Variants in NYAP2 observed in about 807,000 individuals in gnomAD.
NYAP2 encodes the protein neuronal tyrosine-phosphorylated phosphoinositide-3-kinase adaptor 2, also known as neuronal tyrosine-phosphorylated phosphoinositide-3-kinase adapter 2.
Under a neutral mutation model 50.4 loss-of-function variants are expected in NYAP2, and 23 were observed. The ratio of observed to expected loss-of-function variants is 0.46; its 90% CI spans 0.33 to 0.65. The LOEUF (loss-of-function observed/expected upper bound fraction) is 0.65. Among genes scored for constraint, NYAP2 ranks in the 30% least tolerant of loss-of-function variants. The probability of loss-of-function intolerance (pLI) is 0.02; values close to 1 mark genes in which losing one functional copy is unlikely to be tolerated. For synonymous variants in NYAP2, 394 were observed against 365.2 expected, an observed-to-expected ratio of 1.08 and a Z score of -0.90; for missense variants, 885 against 861.0, an observed-to-expected ratio of 1.03 and a Z score of -0.35.
At chr2:225,522,158 T>C (rs935851158) in intron 4 of NYAP2, among the ~76,000 whole-genome samples, 3 of 151,990 alleles carry the variant, frequency 2.0e-5, no homozygotes, top group African/African-American at 7.3e-5. Flanking sequence ...ATTTGATTCT[T>C]CTCTCTTTTC....
chr2:225,436,757 A>AG (rs1263143246), intron 3 of NYAP2, among the ~76,000 whole-genome samples: 2 of 145,600 alleles, frequency 1.4e-5, no homozygotes, highest in Admixed American at 6.8e-5. Context: ...AAAAAAAAAA[A>AG]AAGAGAGAAG....
intron 4 of NYAP2, among the ~76,000 whole-genome samples, chr2:225,569,974 A>T (rs1005418978): frequency 6.6e-6 from 1 of 152,168 alleles, no homozygotes; most frequent in African/African-American, 2.4e-5. Context: ...TGGCAGGTGC[A>T]ATCTGAGAGC....
intron 4 of NYAP2, among the ~76,000 whole-genome samples, chr2:225,557,782 G>A (rs1336000409): frequency 6.6e-6 from 1 of 152,072 alleles, no homozygotes; most frequent in Non-Finnish European, 1.5e-5. Context: ...TAAGTTGTCA[G>A]GTTAATATAA....
intron 3 of NYAP2, among the ~76,000 whole-genome samples, chr2:225,511,723 C>T (rs528548158): frequency 1.1e-4 from 16 of 152,054 alleles, no homozygotes; most frequent in Admixed American, 4.6e-4. Context: ...GTCATAAGTC[C>T]CCAGTTGAAG....
At chr2:225,571,338 C>A (rs1254077795) in intron 4 of NYAP2, among the ~76,000 whole-genome samples, 1 of 152,236 alleles carries the variant, frequency 6.6e-6, no homozygotes, top group Non-Finnish European at 1.5e-5. Flanking sequence ...GGGCTCCCAC[C>A]CCACATTTCC....
chr2:225,494,596 G>C (rs780082760), intron 3 of NYAP2, among the ~76,000 whole-genome samples: 16 of 152,326 alleles, frequency 1.1e-4, no homozygotes, highest in South Asian at 4.1e-4. Context: ...TTAGGTCCTA[G>C]AGAGTGTGAG....
chr2:225,671,134 C>A, the NYAP2 span, among the ~76,000 whole-genome samples: 1 of 152,070 alleles, frequency 6.6e-6, no homozygotes, highest in Admixed American at 6.6e-5. Flanking sequence ...TTTAACTCTT[C>A]CTTTTACAAA....
chr2:225,666,071 C>T, the NYAP2 span, among the ~76,000 whole-genome samples: 1,493 of 152,206 alleles, frequency 9.8e-3, 14 homozygotes, highest in Non-Finnish European at 0.017. Flanking sequence ...AGACCATCAT[C>T]TGGGGTCTTG....
rs867411455 is a variant in NYAP2, at chr2:225,521,290, G to T, written c.523+7618G>T. 4.8e-3 allele frequency among the ~76,000 whole-genome samples: 726 copies of T among 151,730 alleles called. 4 individuals are homozygous for T. Among genetic ancestry groups the T allele is most frequent in the Non-Finnish European group, 7.1e-3 (481 of 67,956 alleles). ...TTCCTTCTTCTGCCTAATTGCCCTGGCCAGAACTTCCAACACTATGTTGAA... is the reference window on the plus strand; with the variant it reads ...TTCCTTCTTCTGCCTAATTGCCCTGTCCAGAACTTCCAACACTATGTTGAA... On this transcript the variant is annotated intron_variant, in intron 4 of 6. Coordinates refer to ENST00000636099, the Ensembl canonical transcript of NYAP2.
chr2:225,597,146 A>C (rs1692614012), intron 5 of NYAP2, among the ~76,000 whole-genome samples: 1 of 151,988 alleles, frequency 6.6e-6, no homozygotes, highest in Non-Finnish European at 1.5e-5. Context: ...TGTTCTTTGT[A>C]AGAAGAATTA....
intron 5 of NYAP2, among the ~76,000 whole-genome samples, chr2:225,615,776 C>T (rs1413331819): frequency 6.6e-6 from 1 of 152,156 alleles, no homozygotes; most frequent in Non-Finnish European, 1.5e-5. Flanking sequence ...AGAAGTTTAC[C>T]TACAAGCCCA....
chr2:225,676,009 T>G, the NYAP2 span, among the ~76,000 whole-genome samples: 1 of 152,152 alleles, frequency 6.6e-6, no homozygotes, highest in African/African-American at 2.4e-5. Context: ...TTTGTTTTTG[T>G]TTTTCGCTTG....
chr2:225,618,116 G>T (rs983386495), intron 5 of NYAP2, among the ~76,000 whole-genome samples: 20 of 152,268 alleles, frequency 1.3e-4, no homozygotes, highest in African/African-American at 4.8e-4. Context: ...TACCCTGTTT[G>T]CTTAGGTTGC....
In NYAP2 at chr2:225,480,359, A is replaced by G. The variant is rs115126155; in HGVS notation, c.222-33012A>G. ...AAATGAAAGTCTGATACAAACCAAA[A>G]TGTACTGTTAAAAATTGGAAGCATA... On this transcript the variant is annotated intron_variant, in intron 3 of 6. Coordinates refer to ENST00000636099, the Ensembl canonical transcript of NYAP2. 1.6e-3 allele frequency among the ~76,000 whole-genome samples: 236 copies of G among 152,210 alleles called. 1 individual carries two copies. The highest frequency in any genetic ancestry group is 5.4e-3 in the African/African-American group (225 of 41,570).
rs1336362227 is a variant in NYAP2, at chr2:225,582,649, C to T, written c.1232C>T (p.Ser411Phe). Residue 411 changes from serine (S) to phenylalanine (F), a missense_variant, in exon 5 of 7, where the codon TCC becomes TTC. Transcript: ENST00000636099. The surrounding 1 kb of genome is among the most constrained non-coding windows in gnomAD (Gnocchi z 7.0). ...CCTGCCTCTGCCACCCCTGCGCTCT[C>T]CTCGTCGCCCCCACCCCCGTCTACG... is the stretch of plus-strand genomic sequence containing the variant. 3 of 1,596,324 alleles carry T rather than the reference C, an allele frequency of 1.9e-6. No homozygotes were observed. Among genetic ancestry groups the T allele is most frequent in the South Asian group, 2.3e-5 (2 of 88,076 alleles).
intron 4 of NYAP2, among the ~76,000 whole-genome samples, chr2:225,516,251 T>A (rs1690932977): frequency 6.6e-6 from 1 of 152,188 alleles, no homozygotes; most frequent in Non-Finnish European, 1.5e-5. Flanking sequence ...CTAAGGATAG[T>A]GGGCTCCCAA....
intron 5 of NYAP2, among the ~76,000 whole-genome samples, chr2:225,617,876 C>T (rs1197011775): frequency 6.6e-6 from 1 of 152,152 alleles, no homozygotes; most frequent in Non-Finnish European, 1.5e-5. Flanking sequence ...AAGCTATTAT[C>T]CTGGGTGAAG....
chr2:225,485,740 T>C (rs1309141180), intron 3 of NYAP2, among the ~76,000 whole-genome samples: 1 of 152,176 alleles, frequency 6.6e-6, no homozygotes, highest in African/African-American at 2.4e-5. Context: ...GATGGATATT[T>C]TCCAAATTGC....
At chr2:225,681,091 T>TA in the NYAP2 span, among the ~76,000 whole-genome samples, 6 of 152,194 alleles carry the variant, frequency 3.9e-5, no homozygotes, top group Admixed American at 1.3e-4. Context: ...CTTTTTTCCT[T>TA]AAAAAATGTT....
Sources: allele counts gnomAD v4.1 joint callset (sites outside exome capture counted in the v4.1 genomes callset), GRCh38; gene constraint gnomAD v4.1.1; non-coding constraint Gnocchi (gnomAD v3.1); transcripts MANE v1.5; gene names NCBI Gene and HGNC (gene_info 2026-07-23, HGNC 2026-07-21).